Variants in NELL2 observed in about 807,000 individuals in gnomAD.
The protein encoded by NELL2 is protein kinase C-binding protein NELL2.
A neutral mutation model predicts 109.6 loss-of-function variants in NELL2; 41 were observed. The ratio of observed to expected loss-of-function variants is 0.37; its 90% CI spans 0.29 to 0.49. NELL2 has a LOEUF of 0.49. Ranked by LOEUF, NELL2 falls within the 20% of genes least tolerant of loss-of-function variation. The probability of loss-of-function intolerance (pLI) is 0.98; values close to 1 mark genes in which losing one functional copy is unlikely to be tolerated. For synonymous variants in NELL2, 355 were observed against 344.7 expected (o/e 1.03, Z -0.33); for missense variants, 900 against 1,008.3 (o/e 0.89, Z 1.45).
chr12:44,630,545 A>G (rs970752684), intron 13 of NELL2, among the ~76,000 whole-genome samples: 3 of 152,192 alleles, frequency 2.0e-5, no homozygotes, highest in Non-Finnish European at 4.4e-5. Flanking sequence ...ACATGGCCAC[A>G]CTGTGGATCG....
intron 9 of NELL2, among the ~76,000 whole-genome samples, chr12:44,764,473 T>C (rs1268718156): frequency 2.0e-5 from 3 of 152,216 alleles, no homozygotes; most frequent in African/African-American, 7.2e-5. Context: ...ATAACTATTA[T>C]AAAATCATAT....
intron 5 of NELL2, among the ~76,000 whole-genome samples, chr12:44,778,113 T>C (rs966585899): frequency 6.6e-6 from 1 of 152,134 alleles, no homozygotes; most frequent in African/African-American, 2.4e-5. Context: ...CTTTATATAT[T>C]TTATTAAATT....
At chr12:44,552,404 T>G (rs1220040794) in intron 15 of NELL2, among the ~76,000 whole-genome samples, 1 of 151,488 alleles carries the variant, frequency 6.6e-6, no homozygotes, top group African/African-American at 2.5e-5. Flanking sequence ...GCTAAAAACC[T>G]TCACATATTT....
chr12:44,509,176 G>A (rs1389290050), intron 19 of NELL2, among the ~76,000 whole-genome samples, 192 bp from the exon 20 acceptor site: 2 of 152,106 alleles, frequency 1.3e-5, no homozygotes, highest in East Asian at 3.9e-4. Context: ...GTATTTGTGG[G>A]AAGTCATAAA....
intron 2 of NELL2, among the ~76,000 whole-genome samples, chr12:44,838,933 T>C (rs897654119): frequency 4.6e-5 from 7 of 152,206 alleles, no homozygotes; most frequent in African/African-American, 1.7e-4. Flanking sequence ...TACATTGAAC[T>C]ACAACATTTT....
intron 13 of NELL2, among the ~76,000 whole-genome samples, chr12:44,621,024 A>C (rs571010713): frequency 1.3e-5 from 2 of 152,194 alleles, no homozygotes; most frequent in African/African-American, 4.8e-5. Context: ...ATCCTCATTA[A>C]AGCTTTCATC....
At chr12:44,894,868 A>G (rs1039872219) in intron 1 of NELL2, among the ~76,000 whole-genome samples, 1 of 152,210 alleles carries the variant, frequency 6.6e-6, no homozygotes, top group Non-Finnish European at 1.5e-5. Flanking sequence ...ATGCTGCTCA[A>G]TTCACAACTT....
rs376445241 is a variant in NELL2, at chr12:44,803,495, G to A, written c.335+12491C>T. Among the ~76,000 whole-genome samples, 4 of 152,044 alleles carry A rather than the reference G, an allele frequency of 2.6e-5. No individual in the cohort carries two copies. The East Asian group carries it at 5.8e-4, about 22-fold the overall frequency. ...TGGCTCAGAGGAATAAGAGATGGAGGGTGATGAAGCAAATGAGCTATAAAA... is the reference window on the plus strand; with the variant it reads ...TGGCTCAGAGGAATAAGAGATGGAGAGTGATGAAGCAAATGAGCTATAAAA... On this transcript the variant is annotated intron_variant, in intron 3 of 19. Transcript: ENST00000429094.
At chr12:44,788,737 G>T (rs1034274260) in intron 3 of NELL2, among the ~76,000 whole-genome samples, 7 of 152,178 alleles carry the variant, frequency 4.6e-5, no homozygotes, top group African/African-American at 1.4e-4. Flanking sequence ...CTGTTCTTTT[G>T]CAGCTGGGAG....
chr12:44,588,664 C>A (rs539093019), intron 15 of NELL2, among the ~76,000 whole-genome samples: 2 of 152,138 alleles, frequency 1.3e-5, no homozygotes, highest in African/African-American at 2.4e-5. Context: ...CATTTATATG[C>A]TTTCTTTCTT....
intron 15 of NELL2, among the ~76,000 whole-genome samples, chr12:44,596,978 T>G (rs1944990435): frequency 6.6e-6 from 1 of 152,178 alleles, no homozygotes; most frequent in African/African-American, 2.4e-5. Flanking sequence ...CAAGAAGAAT[T>G]TTAGATAATC....
At chr12:44,734,315 T>A (rs1035173660) in intron 9 of NELL2, among the ~76,000 whole-genome samples, 3 of 151,980 alleles carry the variant, frequency 2.0e-5, no homozygotes, top group Admixed American at 2.0e-4. Context: ...ATGGTCTATA[T>A]TTTACTGCTC....
chr12:44,714,580 C>CT, intron 10 of NELL2, 70 bp downstream of exon 10: 1 of 849,836 alleles, frequency 1.2e-6, no homozygotes, highest in Non-Finnish European at 1.8e-6. Context: ...CAAGGTTGAG[C>CT]TAGTAAAGAA....
chr12:44,621,991 C>T (rs1946078114), intron 13 of NELL2, among the ~76,000 whole-genome samples: 1 of 152,124 alleles, frequency 6.6e-6, no homozygotes, highest in Admixed American at 6.6e-5. Flanking sequence ...TTACCTGTCA[C>T]TCCATAATCA....
upstream of NELL2, chr12:44,914,081 TG>T (rs1945807588): frequency 1.4e-5 from 3 of 207,320 alleles, no homozygotes; most frequent in African/African-American, 7.0e-5. Flanking sequence ...TCATCCTAAC[TG>T]GTCTCCCTGC....
chr12:44,568,269 T>A (rs1185824750), intron 15 of NELL2, among the ~76,000 whole-genome samples: 1 of 152,110 alleles, frequency 6.6e-6, no homozygotes, highest in Non-Finnish European at 1.5e-5. Flanking sequence ...GAGTGCAGAA[T>A]CACATAATCA....
intron 10 of NELL2, among the ~76,000 whole-genome samples, chr12:44,713,303 T>C (rs547252101): frequency 2.6e-4 from 39 of 151,818 alleles, no homozygotes; most frequent in Admixed American, 2.4e-3. Context: ...TTTTTAAATT[T>C]AGAACCAAAA....
At chr12:44,597,145 T>A (rs747724730) in intron 15 of NELL2, among the ~76,000 whole-genome samples, 1 of 152,172 alleles carries the variant, frequency 6.6e-6, no homozygotes, top group Non-Finnish European at 1.5e-5. Context: ...CAAACCTGCC[T>A]CCTGGTAAAT....
rs184797098 is a variant in NELL2, at chr12:44,882,574, C to T, written c.39-6674G>A. The stretch of plus-strand genomic sequence containing the variant: ...ATGGAGTCTCACTCTGTCACTCAGG[C>T]CGGAATGCAGTGGCACCGTCTCAGC... On this transcript the variant is annotated intron_variant, in intron 1 of 20. Coordinates refer to the NELL2 transcript ENST00000333837. 6.6e-5 allele frequency among the ~76,000 whole-genome samples: 10 copies of T among 151,766 alleles called. No homozygotes were observed. In the East Asian group the frequency reaches 1.9e-3, roughly 29 times the overall value.
Sources: gnomAD v4.1 joint callset for allele counts (sites outside exome capture counted in the v4.1 genomes callset) on GRCh38, gnomAD v4.1.1 for gene constraint, MANE v1.5 for transcripts, NCBI Gene and HGNC (gene_info 2026-07-23, HGNC 2026-07-21) for gene names.